RIMS2: variants seen among roughly 807,000 people sequenced by gnomAD.
The protein encoded by RIMS2 is regulating synaptic membrane exocytosis 2, also known as regulating synaptic membrane exocytosis protein 2.
In RIMS2, 59 loss-of-function variants were observed where a neutral mutation model predicts 174.4. That is an observed-to-expected ratio of 0.34 (90% CI 0.27 to 0.42). The LOEUF (loss-of-function observed/expected upper bound fraction) is 0.42. RIMS2 is among the 10% of genes least tolerant of loss of function. The pLI is 1.00. For synonymous variants in RIMS2, 606 were observed against 572.5 expected, an observed-to-expected ratio of 1.06 and a Z score of -0.84; for missense variants, 1,620 against 1,666.3, an observed-to-expected ratio of 0.97 and a Z score of 0.48.
At chr8:104,212,608 A>C (rs2137816251) in intron 19 of RIMS2, among the ~76,000 whole-genome samples, 1 of 152,268 alleles carries the variant, frequency 6.6e-6, no homozygotes, top group South Asian at 2.1e-4. Context: ...TGAGTCTCAC[A>C]CACACACACA....
rs1385394190 is a variant in RIMS2, at chr8:103,608,271, A to G, written c.177-88815A>G. Among the ~76,000 whole-genome samples the G allele has an allele frequency of 6.3e-5, 9 of 142,964 alleles. 1 individual carries two copies. Among genetic ancestry groups the G allele is most frequent in the African/African-American group, 1.6e-4 (6 of 37,014 alleles). 93.8% of individuals were successfully genotyped at this position (142,964 alleles called of 152,430 possible). ...GAGTACTGGGCCCTGTGAGGTGTCAATCTGCCCCTGCTGGGGGGTGCCTCC... is the reference window on the plus strand; with the variant it reads ...GAGTACTGGGCCCTGTGAGGTGTCAGTCTGCCCCTGCTGGGGGGTGCCTCC... On this transcript the variant is annotated intron_variant, in intron 1 of 23. Coordinates refer to ENST00000504942, the Ensembl canonical transcript of RIMS2.
At chr8:103,964,036 T>A (rs143950135) in intron 15 of RIMS2, among the ~76,000 whole-genome samples, 1 of 152,220 alleles carries the variant, frequency 6.6e-6, no homozygotes, top group African/African-American at 2.4e-5. Flanking sequence ...AATATTCCAT[T>A]GTCTGGATAT....
At chr8:103,854,609 T>G (rs1422429934) in intron 3 of RIMS2, among the ~76,000 whole-genome samples, 1 of 152,036 alleles carries the variant, frequency 6.6e-6, no homozygotes, top group Non-Finnish European at 1.5e-5. Flanking sequence ...TTTCTCTGCA[T>G]CTATTGAGAT....
At chr8:103,559,654 C>G (rs945514575) in intron 1 of RIMS2, among the ~76,000 whole-genome samples, 1 of 152,176 alleles carries the variant, frequency 6.6e-6, no homozygotes, top group African/African-American at 2.4e-5. Flanking sequence ...AAAACTAGTG[C>G]TAGCACACTG....
At chr8:104,079,160 G>C (rs913110574) in intron 19 of RIMS2, among the ~76,000 whole-genome samples, 5 of 151,922 alleles carry the variant, frequency 3.3e-5, no homozygotes, top group African/African-American at 1.2e-4. Context: ...TAGAATTATA[G>C]CAGAAATTTT....
chr8:103,850,240 T>C (rs1431881498), intron 3 of RIMS2, among the ~76,000 whole-genome samples: 1 of 152,048 alleles, frequency 6.6e-6, no homozygotes, highest in East Asian at 1.9e-4. Flanking sequence ...ATTACACAAA[T>C]AGAAAAATTT....
chr8:103,915,428 T>C, intron 6 of RIMS2, 67 bp from the exon 10 acceptor site: 1 of 867,468 alleles, frequency 1.2e-6, no homozygotes, highest in Non-Finnish European at 1.8e-6. Context: ...GGTATTCTTT[T>C]ACCTGAATCT....
At chr8:103,652,455 T>G (rs2096468454) in intron 1 of RIMS2, among the ~76,000 whole-genome samples, 169 bp from the exon 3 acceptor site, 1 of 152,192 alleles carries the variant, frequency 6.6e-6, no homozygotes, top group Non-Finnish European at 1.5e-5. Flanking sequence ...ACTAGTTAAG[T>G]GTTCAAATTT....
At chr8:104,180,769 A>C (rs892246183) in intron 19 of RIMS2, among the ~76,000 whole-genome samples, 2 of 151,730 alleles carry the variant, frequency 1.3e-5, no homozygotes, top group African/African-American at 4.8e-5. Context: ...CCAGCTATCA[A>C]TATTTTCAAA....
intron 3 of RIMS2, among the ~76,000 whole-genome samples, chr8:103,798,686 A>G (rs2098577076): frequency 1.3e-5 from 2 of 152,184 alleles, no homozygotes; most frequent in African/African-American, 4.8e-5. Flanking sequence ...AGATTCGTTC[A>G]TGTGGGAATA....
chr8:103,956,043 A>G (rs542860186), intron 14 of RIMS2, among the ~76,000 whole-genome samples: 67 of 152,310 alleles, frequency 4.4e-4, no homozygotes, highest in African/African-American at 1.5e-3. Flanking sequence ...TCCAACTTAC[A>G]AGGGATGTGA....
chr8:103,903,617 TA>T (rs1481052913), intron 4 of RIMS2, among the ~76,000 whole-genome samples: 1 of 152,118 alleles, frequency 6.6e-6, no homozygotes, highest in Non-Finnish European at 1.5e-5. Context: ...ATTTTTAGAT[TA>T]TTTTTTGTCA....
chr8:104,088,904 A>G (rs989570931), intron 19 of RIMS2, among the ~76,000 whole-genome samples: 1 of 152,016 alleles, frequency 6.6e-6, no homozygotes, highest in East Asian at 1.9e-4. Context: ...ACTTTCCACT[A>G]ATGTTAGATA....
intron 3 of RIMS2, among the ~76,000 whole-genome samples, chr8:103,870,704 C>G (rs551245398): frequency 6.6e-6 from 1 of 151,502 alleles, no homozygotes; most frequent in East Asian, 1.9e-4. Flanking sequence ...CTTCCTACAT[C>G]TAAAGTTCCA....
chr8:104,213,329 C>A (rs1457144931), intron 19 of RIMS2, among the ~76,000 whole-genome samples: 1 of 152,074 alleles, frequency 6.6e-6, no homozygotes, highest in Admixed American at 6.5e-5. Context: ...AAGTCTTCTT[C>A]CTTCTGTGAC....
intron 19 of RIMS2, among the ~76,000 whole-genome samples, chr8:104,244,473 T>A (rs2099319815): frequency 6.6e-6 from 1 of 152,148 alleles, no homozygotes; most frequent in African/African-American, 2.4e-5. Context: ...CTTTGTAAAT[T>A]GTGTGAAGGC....
chr8:103,858,717 A>ACC (rs2099041881), intron 3 of RIMS2, among the ~76,000 whole-genome samples: 1 of 138,652 alleles, frequency 7.2e-6, no homozygotes, highest in South Asian at 2.4e-4. Context: ...ATATACACAT[A>ACC]CCAATACATA....
At chr8:104,154,729 T>C (rs897130274) in intron 19 of RIMS2, among the ~76,000 whole-genome samples, 2 of 152,212 alleles carry the variant, frequency 1.3e-5, no homozygotes, top group African/African-American at 4.8e-5. Flanking sequence ...GCTCTTTTCA[T>C]CTTGTAATAA....
intron 19 of RIMS2, among the ~76,000 whole-genome samples, chr8:104,120,542 T>C (rs2098357418): frequency 6.6e-6 from 1 of 152,202 alleles, no homozygotes; most frequent in South Asian, 2.1e-4. Flanking sequence ...AAGTGTGTAT[T>C]GCCTTAGATT....
Sources: gnomAD v4.1 joint callset for allele counts (sites outside exome capture counted in the v4.1 genomes callset) on GRCh38, gnomAD v4.1.1 for gene constraint, MANE v1.5 for transcripts, NCBI Gene and HGNC (gene_info 2026-07-23, HGNC 2026-07-21) for gene names.